MBD5: variants seen among roughly 807,000 people sequenced by gnomAD.
MBD5 encodes the protein methyl-CpG-binding domain protein 5.
MBD5 carries 13 observed loss-of-function variants against 117.3 expected under a neutral mutation model. The observed-to-expected ratio is 0.11, with a 90% confidence interval of 0.07 to 0.18. The LOEUF is 0.18. Ranked by LOEUF, MBD5 falls within the 10% of genes least tolerant of loss-of-function variation. MBD5 has a pLI of 1.00. For synonymous variants in MBD5, 727 were observed against 766.4 expected, an observed-to-expected ratio of 0.95 and a Z score of 0.85; for missense variants, 1,879 against 2,093.8, an observed-to-expected ratio of 0.90 and a Z score of 2.00.
chr2:148,265,590 A>G (rs1574214920), intron 3 of MBD5, among the ~76,000 whole-genome samples: 1 of 152,204 alleles, frequency 6.6e-6, no homozygotes, highest in African/African-American at 2.4e-5. Flanking sequence ...ACTTCAGAAA[A>G]ATAAATTGCT....
At chr2:148,301,454 C>T (rs987240021) in intron 3 of MBD5, among the ~76,000 whole-genome samples, 11 of 152,086 alleles carry the variant, frequency 7.2e-5, no homozygotes, top group East Asian at 1.9e-4. Flanking sequence ...GGCATAAGAG[C>T]AGAGTGGGAG....
At chr2:148,336,433 CAGG>C (rs1231425259) in intron 3 of MBD5, among the ~76,000 whole-genome samples, 1 of 152,178 alleles carries the variant, frequency 6.6e-6, no homozygotes, top group Non-Finnish European at 1.5e-5. Flanking sequence ...GTTGCCCACA[CAGG>C]AGTACAAAGG....
At chr2:148,342,517 A>G (rs1702971632) in intron 4 of MBD5, among the ~76,000 whole-genome samples, 181 bp downstream of exon 4, 1 of 151,988 alleles carries the variant, frequency 6.6e-6, no homozygotes, top group Non-Finnish European at 1.5e-5. Flanking sequence ...AAATGAATAC[A>G]TGTTTACTAT....
At chr2:148,446,552 A>G (rs1164924255) in intron 4 of MBD5, among the ~76,000 whole-genome samples, 4 of 151,282 alleles carry the variant, frequency 2.6e-5, no homozygotes, top group Admixed American at 2.0e-4. Flanking sequence ...GGGATCTAAC[A>G]CAGACCATCT....
chr2:148,443,013 C>A lies in MBD5; in HGVS notation c.-556-15190C>A, dbSNP rs55891740. Among the ~76,000 whole-genome samples the A allele has an allele frequency of 5.8e-3, 874 of 151,310 alleles. 55 individuals carry two copies. Among genetic ancestry groups the A allele is most frequent in the African/African-American group, 0.02 (829 of 40,746 alleles). On this transcript the variant is annotated intron_variant, in intron 4 of 13. Transcript: ENST00000642680. ...CTACCTATCTGACAGGGATCAATAACCAGAATATACAAGGAGCTCAAACAG... is the reference window on the plus strand; with the variant it reads ...CTACCTATCTGACAGGGATCAATAAACAGAATATACAAGGAGCTCAAACAG...
chr2:148,435,893 A>C (rs938208784), intron 4 of MBD5, among the ~76,000 whole-genome samples: 1 of 152,174 alleles, frequency 6.6e-6, no homozygotes, highest in African/African-American at 2.4e-5. Flanking sequence ...CCAAAAGGAA[A>C]TGCAATTTTG....
chr2:148,332,430 A>T (rs1363474512), intron 3 of MBD5, among the ~76,000 whole-genome samples: 2 of 152,084 alleles, frequency 1.3e-5, no homozygotes, highest in Non-Finnish European at 2.9e-5. Context: ...ATCCCTTTTC[A>T]CTATCAACTT....
chr2:148,056,449 C>CT lies in MBD5; in HGVS notation c.-925+34772dup, dbSNP rs575438019. 5.9e-5 allele frequency among the ~76,000 whole-genome samples: 9 copies of CT among 152,006 alleles called. No homozygotes were observed. In the South Asian group the frequency reaches 1.7e-3, roughly 28 times the overall value. ...CCAGGTGTTACCTTTAATTATTACT[C>CT]TTTTTTTCTTGTGGATGCCTTTTAT... On this transcript the variant is annotated intron_variant, in intron 1 of 13. Transcript: ENST00000642680.
chr2:148,493,838 G>T (rs185745080), intron 11 of MBD5, among the ~76,000 whole-genome samples: 11 of 152,164 alleles, frequency 7.2e-5, no homozygotes, highest in Admixed American at 5.2e-4. Flanking sequence ...AACACAGTCT[G>T]CAGAGAACTA....
intron 3 of MBD5, among the ~76,000 whole-genome samples, chr2:148,294,310 T>C (rs1231284082): frequency 2.1e-5 from 3 of 145,364 alleles, no homozygotes; most frequent in East Asian, 2.1e-4. Flanking sequence ...CTGCAAGCTC[T>C]GCCTCCCGGG....
intron 1 of MBD5, among the ~76,000 whole-genome samples, chr2:148,149,029 A>G (rs1051151653): frequency 3.3e-5 from 5 of 152,032 alleles, no homozygotes; most frequent in African/African-American, 1.2e-4. Context: ...ATGCTGGTGC[A>G]CTGCACCCAC....
chr2:148,466,728 A>G (rs1707272259), intron 7 of MBD5, among the ~76,000 whole-genome samples: 1 of 152,136 alleles, frequency 6.6e-6, no homozygotes, highest in African/African-American at 2.4e-5. Context: ...TTGGATCTCA[A>G]CTTTTCATAT....
chr2:148,448,333 G>A (rs531882832), intron 4 of MBD5, among the ~76,000 whole-genome samples: 1 of 151,938 alleles, frequency 6.6e-6, no homozygotes, highest in South Asian at 2.1e-4. Context: ...TAGTTATCTT[G>A]AACATTTAAT....
intron 4 of MBD5, among the ~76,000 whole-genome samples, chr2:148,438,820 C>T (rs946483502): frequency 1.3e-5 from 2 of 152,134 alleles, no homozygotes; most frequent in Non-Finnish European, 2.9e-5. Flanking sequence ...GACCTGTTTG[C>T]CTTTTGTATT....
intron 4 of MBD5, among the ~76,000 whole-genome samples, chr2:148,366,889 T>A (rs1703718670): frequency 6.6e-6 from 1 of 152,050 alleles, no homozygotes; most frequent in African/African-American, 2.4e-5. Context: ...ATTGTGAAAA[T>A]GGGCCATAGT....
Position 148,081,044 on chromosome 2 carries a change from G to A in MBD5, c.-925+59360G>A, listed in dbSNP as rs190444700. Among the ~76,000 whole-genome samples, 2 of 152,192 alleles carry A rather than the reference G, an allele frequency of 1.3e-5. 1 individual carries two copies. Among genetic ancestry groups the A allele is most frequent in the Non-Finnish European group, 2.9e-5 (2 of 67,982 alleles). ...TCAACGGCACTTATATTAAATATAA[G>A]GATATTTCATGTACCCAAAAGACTA... On this transcript the variant is annotated intron_variant, in intron 1 of 13. Transcript: ENST00000642680.
chr2:148,172,938 C>T (rs1336446775), intron 1 of MBD5, among the ~76,000 whole-genome samples: 1 of 152,142 alleles, frequency 6.6e-6, no homozygotes, highest in Non-Finnish European at 1.5e-5. Flanking sequence ...TCAGGACGAC[C>T]TGCCTGCGGA....
intron 8 of MBD5, among the ~76,000 whole-genome samples, chr2:148,473,455 T>C (rs1044204449): frequency 1.3e-5 from 2 of 152,062 alleles, no homozygotes; most frequent in Non-Finnish European, 2.9e-5. Context: ...TACTCTGTGG[T>C]TACAGAGCTT....
upstream of MBD5, chr2:148,020,950 A>G (rs1013474422): frequency 6.6e-6 from 1 of 152,226 alleles, no homozygotes; most frequent in African/African-American, 2.4e-5. Flanking sequence ...CCGGGTCGCT[A>G]GCGCCTCGAC....
Sources: allele counts gnomAD v4.1 joint callset (sites outside exome capture counted in the v4.1 genomes callset), GRCh38; gene constraint gnomAD v4.1.1; transcripts MANE v1.5; gene names NCBI Gene and HGNC (gene_info 2026-07-23, HGNC 2026-07-21).